PRKCI: variants seen among roughly 807,000 people sequenced by gnomAD.
The protein encoded by PRKCI is protein kinase C iota, also known as protein kinase C iota type.
Under a neutral mutation model 84.0 loss-of-function variants are expected in PRKCI, and 43 were observed. The observed-to-expected ratio is 0.51, with a 90% confidence interval of 0.40 to 0.66. PRKCI has a LOEUF of 0.66. Ranked by LOEUF, PRKCI falls within the 30% of genes least tolerant of loss-of-function variation. PRKCI has a pLI of 0.00. For missense variants in PRKCI, 459 were observed against 745.6 expected (o/e 0.62, Z 4.48); for synonymous variants, 216 against 234.4 (o/e 0.92, Z 0.72).
intron 4 of PRKCI, among the ~76,000 whole-genome samples, chr3:170,264,195 C>A (rs1365644491): frequency 6.6e-6 from 1 of 150,888 alleles, no homozygotes; most frequent in Non-Finnish European, 1.5e-5. Flanking sequence ...CCACTTGAGA[C>A]TGACATGACA....
At chr3:170,241,565 T>G (rs1001163097) in intron 2 of PRKCI, among the ~76,000 whole-genome samples, 1 of 152,170 alleles carries the variant, frequency 6.6e-6, no homozygotes, top group African/African-American at 2.4e-5. Flanking sequence ...TTTCATCTGT[T>G]TATCCATTGA....
intron 8 of PRKCI, among the ~76,000 whole-genome samples, chr3:170,279,905 ATGTG>A (rs1341207691): frequency 6.6e-6 from 1 of 152,104 alleles, no homozygotes; most frequent in East Asian, 1.9e-4. Context: ...ACCAAGGTTA[ATGTG>A]TTTTTTTAAT....
At chr3:170,229,199 T>A (rs1400353845) in intron 1 of PRKCI, among the ~76,000 whole-genome samples, 1 of 152,236 alleles carries the variant, frequency 6.6e-6, no homozygotes, top group Admixed American at 6.5e-5. Context: ...ATTTTTCCAA[T>A]AAATGAGTTC....
chr3:170,235,096 C>T (rs1577341103), intron 1 of PRKCI, 134 bp from the exon 2 acceptor site: 5 of 889,080 alleles, frequency 5.6e-6, no homozygotes, highest in Non-Finnish European at 8.3e-6. Context: ...TGAATGAAAT[C>T]ATTTACTGAA....
At position 170,235,247 on chromosome 3, in the gene PRKCI, A is replaced by C. The variant is rs751420634; in HGVS notation, c.119A>C (p.His40Pro). ...TTTTTCAGGGATATCATGATAACAC[A>C]TTTTGAACCTTCCATCTCCTTTGAG... The part of the protein sequence containing the change: ...AYYRGDIMIT[H>P]FEPSISFEGL... The change falls in exon 2 of 18, where the codon CAT (histidine) becomes CCT (proline). Residue 40 changes from histidine (H) to proline (P), a missense_variant. Physicochemically the swap from His to Pro is moderately conservative, Grantham distance 77 (BLOSUM62 -2). This residue lies in a region of PRKCI where 250 missense variants were observed against 319.7 expected (regional missense o/e 0.78). Transcript: ENST00000295797. The C allele has an allele frequency of 6.2e-7, 1 of 1,613,838 alleles. No individual in the cohort carries two copies. Among genetic ancestry groups the C allele is most frequent in the Non-Finnish European group, 8.5e-7 (1 of 1,179,768 alleles).
intron 2 of PRKCI, among the ~76,000 whole-genome samples, chr3:170,245,640 T>C (rs921002641): frequency 6.6e-6 from 1 of 152,134 alleles, no homozygotes; most frequent in Non-Finnish European, 1.5e-5. Flanking sequence ...GATACACTTA[T>C]GATCCCCACA....
At chr3:170,260,128 A>G (rs1251884289) in intron 3 of PRKCI, 70 bp downstream of exon 3, 5 of 984,026 alleles carry the variant, frequency 5.1e-6, no homozygotes, top group Non-Finnish European at 3.1e-6. Flanking sequence ...ATTCTTCACC[A>G]TTTTGAAACA....
At position 170,222,724 on chromosome 3, in the gene PRKCI, A is replaced by C. The variant is rs1182925435; in HGVS notation, c.55A>C (p.Ser19Arg). ...TMSHTVAGGGSGDHSHQVRVK... is the reference protein window; with the variant it reads ...TMSHTVAGGGRGDHSHQVRVK... Reference sequence around the variant, plus strand: ...GTCCCACACGGTCGCAGGCGGCGGCAGCGGGGACCATTCCCACCAGGTCCG... The same window carrying C: ...GTCCCACACGGTCGCAGGCGGCGGCCGCGGGGACCATTCCCACCAGGTCCG... The change falls in exon 1 of 18, where the codon AGC becomes CGC. Residue 19 changes from serine to arginine, a missense_variant. Ser to Arg is a moderately radical substitution (Grantham distance 110). Coordinates refer to ENST00000295797, the MANE Select transcript of PRKCI (RefSeq NM_002740.6). The C allele has an allele frequency of 4.3e-6, 7 of 1,610,084 alleles. No individual in the cohort carries two copies. Among genetic ancestry groups the C allele is most frequent in the African/African-American group, 1.3e-5 (1 of 74,732 alleles).
At chr3:170,235,040 A>G (rs1732934125) in intron 1 of PRKCI, among the ~76,000 whole-genome samples, 190 bp from the exon 2 acceptor site, 1 of 152,020 alleles carries the variant, frequency 6.6e-6, no homozygotes, top group South Asian at 2.1e-4. Context: ...TCAGCCTCCC[A>G]AAGTGCATGA....
At chr3:170,248,774 C>G (rs2108843264) in intron 2 of PRKCI, among the ~76,000 whole-genome samples, 1 of 152,094 alleles carries the variant, frequency 6.6e-6, no homozygotes, top group African/African-American at 2.4e-5. Context: ...TAACTAACAG[C>G]AAGCAGATAC....
rs572497373 is a variant in PRKCI at position 170,264,231 on chromosome 3, CT to C, written c.364+813del. Reference sequence around the variant, plus strand: ...CTCAGCACATGTAATTAGGAATTGGCTTTTTTTTTTTCTGCAGTGTTTTTTA... The same window carrying C: ...CTCAGCACATGTAATTAGGAATTGGCTTTTTTTTTTCTGCAGTGTTTTTTA... On this transcript the variant is annotated intron_variant, in intron 4 of 17. Coordinates refer to ENST00000295797, the MANE Select transcript of PRKCI (RefSeq NM_002740.6). Among the ~76,000 whole-genome samples the C allele has an allele frequency of 6.2e-3, 894 of 144,128 alleles. 9 individuals carry two copies. Among genetic ancestry groups the C allele is most frequent in the African/African-American group, 0.021 (845 of 39,550 alleles). The allele number at this position is 144,128 out of a possible 152,430, so 94.6% of individuals were successfully genotyped here. A position where few individuals can be genotyped will look rare whatever the true frequency, so the allele number is the denominator to read the frequency against.
intron 3 of PRKCI, 150 bp downstream of exon 3, chr3:170,260,208 C>T (rs1225071654): frequency 1.3e-5 from 7 of 541,094 alleles, no homozygotes; most frequent in Admixed American, 3.7e-5. Flanking sequence ...AGTAGTTTCT[C>T]ACGTGCTACA....
intron 2 of PRKCI, among the ~76,000 whole-genome samples, chr3:170,251,939 G>C (rs1733459298): frequency 6.6e-6 from 1 of 151,582 alleles, no homozygotes; most frequent in Non-Finnish European, 1.5e-5. Context: ...AGATTGGCCG[G>C]GTGCGGTGGC....
intron 3 of PRKCI, among the ~76,000 whole-genome samples, chr3:170,262,832 C>CTTTTTTTTT (rs748452040): frequency 7.5e-6 from 1 of 133,024 alleles, no homozygotes. Context: ...TTCTTTCTTT[C>CTTTTTTTTT]TTTTTTTTTT....
chr3:170,275,790 C>A (rs759458218), intron 8 of PRKCI, among the ~76,000 whole-genome samples: 6 of 152,020 alleles, frequency 3.9e-5, no homozygotes, highest in Non-Finnish European at 7.4e-5. Context: ...CCTTCCACTC[C>A]CAGTTTGGCT....
chr3:170,232,765 T>G (rs1289455945), intron 1 of PRKCI, among the ~76,000 whole-genome samples: 3 of 151,840 alleles, frequency 2.0e-5, no homozygotes, highest in African/African-American at 7.3e-5. Context: ...AGGCTGGCCT[T>G]GAACTCCTGA....
chr3:170,298,918 G>A (rs1560187778), intron 16 of PRKCI, 77 bp from the exon 17 acceptor site: 4 of 860,274 alleles, frequency 4.6e-6, no homozygotes, highest in Non-Finnish European at 7.7e-6. Context: ...GGTAAACAAT[G>A]AGTGCAGAGG....
At chr3:170,245,664 AC>A (rs981014941) in intron 2 of PRKCI, among the ~76,000 whole-genome samples, 2 of 151,600 alleles carry the variant, frequency 1.3e-5, no homozygotes, top group Non-Finnish European at 2.9e-5. Flanking sequence ...TTTTCTCCTT[AC>A]TCTCACTTCT....
At chr3:170,277,477 C>T (rs28684970) in intron 8 of PRKCI, among the ~76,000 whole-genome samples, 7,081 of 152,010 alleles carry the variant, frequency 0.047, 540 homozygotes, top group African/African-American at 0.16. Flanking sequence ...GAGGCTAAGG[C>T]GGAAGGATTG....
Sources: gnomAD v4.1 joint callset for allele counts (sites outside exome capture counted in the v4.1 genomes callset) on GRCh38, gnomAD v4.1.1 for gene constraint, gnomAD v4.1.1 regional missense constraint, MANE v1.5 for transcripts, NCBI Gene and HGNC (gene_info 2026-07-23, HGNC 2026-07-21) for gene names.